Variants in TTLL12 observed in about 807,000 individuals in gnomAD.
The protein encoded by TTLL12 is tubulin--tyrosine ligase-like protein 12.
TTLL12 carries 77 observed loss-of-function variants against 79.6 expected under a neutral mutation model. The ratio of observed to expected loss-of-function variants is 0.97; its 90% CI spans 0.81 to 1.17. The LOEUF is 1.17. Among genes scored for constraint, TTLL12 ranks in the 50% most tolerant of loss-of-function variants. The pLI, the probability that TTLL12 is intolerant of heterozygous loss-of-function variation, is 0.00. For missense variants in TTLL12, 969 were observed against 895.9 expected (o/e 1.08, Z -1.04); for synonymous variants, 437 against 376.1 (o/e 1.16, Z -1.87).
chr22:43,167,936 C>A lies in TTLL12; in HGVS notation c.*72G>T. On this transcript the variant is annotated 3_prime_UTR_variant, in exon 14 of 14. Transcript: ENST00000216129. ...CCGGTGTGGGGAGGGACATGGGGGC[C>A]TTTGCAGAAGCAGCTCAGAGAACTG... 1.3e-6 allele frequency: 2 copies of A among 1,561,730 alleles called. No individual in the cohort carries two copies.
At position 43,183,021 on chromosome 22, in the gene TTLL12, G is replaced by C. The variant is rs778941159; in HGVS notation, c.306C>G (p.Ile102Met). The change falls in exon 2 of 14, where the codon ATC (isoleucine) becomes ATG (methionine). Residue 102 changes from isoleucine (I) to methionine (M), a missense_variant. Coordinates refer to ENST00000216129, the MANE Select transcript of TTLL12 (RefSeq NM_015140.4). The stretch of plus-strand genomic sequence containing the variant: ...CCTGGAGCCCGCTCTCCCTGGTCAC[G>C]ATGACCTTGTAGCACAGCTCGTTCC... The part of the protein sequence containing the change: ...NPGNELCYKV[I>M]VTRESGLQAA... 1.6e-4 allele frequency: 254 copies of C among 1,613,820 alleles called. No homozygotes were observed. Among genetic ancestry groups the C allele is most frequent in the Non-Finnish European group, 2.1e-4 (247 of 1,179,944 alleles).
chr22:43,182,527 C>T (rs1201283713), intron 2 of TTLL12, among the ~76,000 whole-genome samples: 1 of 152,208 alleles, frequency 6.6e-6, no homozygotes, highest in Non-Finnish European at 1.5e-5. Context: ...AGTCTCAGCT[C>T]TGCCCTAACT....
At chr22:43,172,644 T>C in intron 9 of TTLL12, 90 bp from the exon 10 acceptor site, 4 of 1,444,086 alleles carry the variant, frequency 2.8e-6, no homozygotes, top group Non-Finnish European at 3.8e-6. Flanking sequence ...GGCACAGACA[T>C]GGCTGCACTT....
chr22:43,172,635 G>T, intron 9 of TTLL12, 81 bp from the exon 10 acceptor site: 1 of 1,512,536 alleles, frequency 6.6e-7, no homozygotes, highest in Non-Finnish European at 9.1e-7. Context: ...CACGCAGGGG[G>T]CACAGACATG....
At chr22:43,185,534 G>A (rs977921287) in intron 1 of TTLL12, among the ~76,000 whole-genome samples, 24 of 152,136 alleles carry the variant, frequency 1.6e-4, no homozygotes, top group African/African-American at 5.8e-4. Flanking sequence ...GAAGGGTCAC[G>A]GAAAAACACT....
rs1474993207 is a variant in TTLL12, at chr22:43,167,234, C to T, written c.*774G>A. 3 of 529,708 alleles carry T rather than the reference C, an allele frequency of 5.7e-6. No homozygotes were observed. Among genetic ancestry groups the T allele is most frequent in the Admixed American group, 1.9e-5 (1 of 51,306 alleles). 32.8% of individuals were successfully genotyped at this position (529,708 alleles called of 1,614,324 possible). A position where few individuals can be genotyped will look rare whatever the true frequency, so the allele number is the denominator to read the frequency against. ...TGCCGAAGGATCCTGGCCCATCTCACACAAGGGCGGGACCCCGTGGAGTGC... is the reference window on the plus strand; with the variant it reads ...TGCCGAAGGATCCTGGCCCATCTCATACAAGGGCGGGACCCCGTGGAGTGC... On this transcript the variant is annotated 3_prime_UTR_variant, in exon 14 of 14. Coordinates refer to ENST00000216129, the MANE Select transcript of TTLL12 (RefSeq NM_015140.4).
chr22:43,178,553 T>C (rs1931972850), intron 5 of TTLL12, among the ~76,000 whole-genome samples: 1 of 152,004 alleles, frequency 6.6e-6, no homozygotes, highest in African/African-American at 2.4e-5. Context: ...GATCTCCTGA[T>C]CTTGTGATCC....
chr22:43,170,276 GGGGTCT>G, intron 11 of TTLL12: 1 of 272,992 alleles, frequency 3.7e-6, no homozygotes, highest in South Asian at 3.8e-5. Flanking sequence ...GCCCTGCTGG[GGGGTCT>G]GGGTCCTAGG....
At position 43,176,622 on chromosome 22, in the gene TTLL12, C is replaced by T. The variant is rs533350631; in HGVS notation, c.841-226G>A. Among the ~76,000 whole-genome samples, 7 of 147,814 alleles carry T rather than the reference C, an allele frequency of 4.7e-5. No individual in the cohort carries two copies. The East Asian group carries it at 8.1e-4, about 17-fold the overall frequency. On this transcript the variant is annotated intron_variant, in intron 5 of 13. Transcript: ENST00000216129. ...GCGCGTGCCTGTAATTCCAGCTACT[C>T]GGGAGGCTGAGGCAGGAGAATCGCT...
chr22:43,180,633 G>C (rs1171274818), intron 3 of TTLL12, 109 bp downstream of exon 3: 4 of 1,264,416 alleles, frequency 3.2e-6, no homozygotes, highest in African/African-American at 1.5e-5. Context: ...ACAGGAGAAA[G>C]TGAGTTGCTT....
chr22:43,182,838 C>T, intron 2 of TTLL12, 142 bp downstream of exon 2: 1 of 1,171,994 alleles, frequency 8.5e-7, no homozygotes, highest in South Asian at 1.5e-5. Flanking sequence ...GATGGACACA[C>T]CGCTGGCCAC....
intron 5 of TTLL12, 55 bp downstream of exon 5, chr22:43,179,564 G>T: frequency 6.6e-7 from 1 of 1,507,384 alleles, no homozygotes. Context: ...TGTGCACAGA[G>T]AACATTCTGG....
chr22:43,178,718 A>C (rs1191665614), intron 5 of TTLL12, among the ~76,000 whole-genome samples: 1 of 152,220 alleles, frequency 6.6e-6, no homozygotes, highest in Non-Finnish European at 1.5e-5. Context: ...GGATGACTTC[A>C]GTCGCCGTGG....
chr22:43,173,966 G>T, intron 8 of TTLL12, 140 bp from the exon 9 acceptor site: 2 of 931,518 alleles, frequency 2.1e-6, no homozygotes, highest in Non-Finnish European at 3.2e-6. Flanking sequence ...CAGAGGCAGG[G>T]GCATGGGAAA....
At chr22:43,170,543 C>A (rs1164232941) in intron 11 of TTLL12, among the ~76,000 whole-genome samples, 3 of 152,178 alleles carry the variant, frequency 2.0e-5, no homozygotes, top group Admixed American at 6.5e-5. Context: ...AACCTCAAAA[C>A]CTCAAAACAC....
intron 9 of TTLL12, 64 bp downstream of exon 9, chr22:43,173,651 A>T (rs879110918): frequency 4.0e-6 from 6 of 1,502,604 alleles, no homozygotes; most frequent in Middle Eastern, 1.7e-4. Context: ...CGGTCCCCTT[A>T]GCCCCACCTC....
At chr22:43,185,544 T>G (rs1238897670) in intron 1 of TTLL12, among the ~76,000 whole-genome samples, 2 of 152,122 alleles carry the variant, frequency 1.3e-5, no homozygotes, top group African/African-American at 4.8e-5. Flanking sequence ...GGAAAAACAC[T>G]GGCTGCCCCT....
At chr22:43,177,549 C>CT (rs1463753870) in intron 5 of TTLL12, among the ~76,000 whole-genome samples, 5 of 152,192 alleles carry the variant, frequency 3.3e-5, no homozygotes, top group Non-Finnish European at 5.9e-5. Context: ...AAGCCTGAGG[C>CT]TTCCTCTCTG....
rs757110122 is a variant in TTLL12 at position 43,171,844 on chromosome 22, T to C, written c.1550A>G (p.Tyr517Cys). Residue 517 changes from tyrosine (Y) to cysteine (C), a missense_variant, in exon 11 of 14, where the codon TAT (tyrosine) becomes TGT (cysteine). By Grantham distance (194) the Tyr-to-Cys change is radical. Coordinates refer to ENST00000216129, the MANE Select transcript of TTLL12 (RefSeq NM_015140.4). ...CTGCTTCAGCACCACATCCGGGTCA[T>C]AGTTCATGACCGTGAAGTGCTTCTC... ...DYEKHFTVMN[Y>C]DPDVVLKQVH... 19 of 1,614,064 alleles carry C rather than the reference T, an allele frequency of 1.2e-5. No individual in the cohort carries two copies. Among genetic ancestry groups the C allele is most frequent in the East Asian group, 2.2e-5 (1 of 44,896 alleles).
Sources: allele counts gnomAD v4.1 joint callset (sites outside exome capture counted in the v4.1 genomes callset), GRCh38; gene constraint gnomAD v4.1.1; transcripts MANE v1.5; gene names NCBI Gene and HGNC (gene_info 2026-07-23, HGNC 2026-07-21).